The following NKIRAS1 variants were observed in gnomAD, a reference collection of about 807,000 sequenced individuals.
NKIRAS1 encodes the protein NFKB inhibitor interacting Ras like 1.
In NKIRAS1, 16 loss-of-function variants were observed where a neutral mutation model predicts 19.8. The observed-to-expected ratio is 0.81, with a 90% CI of 0.55 to 1.23. NKIRAS1 has a LOEUF of 1.23. Ranked by LOEUF, NKIRAS1 falls within the 50% of genes most tolerant of loss-of-function variation. The pLI is 0.00. For synonymous variants in NKIRAS1, 88 were observed against 79.0 expected (o/e 1.11, Z -0.61); for missense variants, 184 against 220.0 (o/e 0.84, Z 1.04).
At chr3:23,912,242 C>T (rs912880503) in intron 1 of NKIRAS1, among the ~76,000 whole-genome samples, 1 of 152,158 alleles carries the variant, frequency 6.6e-6, no homozygotes, top group Non-Finnish European at 1.5e-5. Flanking sequence ...AAACTACCAT[C>T]AGAGTCAACA....
Position 23,911,346 on chromosome 3 carries a change from G to T in NKIRAS1, c.-35C>A, listed in dbSNP as rs80297584. 0.03 allele frequency: 4,797 copies of T among 160,926 alleles called. 128 individuals are homozygous for T. The highest frequency in any genetic ancestry group is 0.17 in the East Asian group (928 of 5,460). The allele number at this position is 160,926 out of a possible 1,614,324, so 10.0% of individuals were successfully genotyped here. A position where few individuals can be genotyped will look rare whatever the true frequency, so the allele number is the denominator to read the frequency against. On this transcript the variant is annotated 5_prime_UTR_variant, in exon 2 of 5. Coordinates refer to ENST00000425478, the MANE Select transcript of NKIRAS1 (RefSeq NM_020345.4). ...GCACTCACCTGTAATCCCAGCTACT[G>T]GGGAGGCTGAGGCAGGAGAATCACT...
At chr3:23,938,209 C>CTTTTTT (rs11418287) in intron 1 of NKIRAS1, among the ~76,000 whole-genome samples, 15 of 137,656 alleles carry the variant, frequency 1.1e-4, no homozygotes, top group Non-Finnish European at 1.4e-4. Flanking sequence ...AGTACAGTAC[C>CTTTTTT]TTTTTTTTTT....
At chr3:23,910,157 T>A (rs979666117) in intron 3 of NKIRAS1, among the ~76,000 whole-genome samples, 813 of 58,920 alleles carry the variant, frequency 0.014, 13 homozygotes, top group South Asian at 0.096. Context: ...GCGCTCGGCC[T>A]TTTTTTTTTT....
At chr3:23,895,908 G>A (rs944761419) in intron 4 of NKIRAS1, among the ~76,000 whole-genome samples, 3 of 152,024 alleles carry the variant, frequency 2.0e-5, no homozygotes, top group African/African-American at 7.2e-5. Context: ...GTGGAGGTGG[G>A]TGGATCATGA....
chr3:23,897,998 T>C (rs1702145949), intron 4 of NKIRAS1, among the ~76,000 whole-genome samples: 1 of 152,170 alleles, frequency 6.6e-6, no homozygotes, highest in African/African-American at 2.4e-5. Flanking sequence ...TATTCTCCTT[T>C]TACAGATAAG....
At chr3:23,895,908 G>C (rs944761419) in intron 4 of NKIRAS1, among the ~76,000 whole-genome samples, 1 of 152,142 alleles carries the variant, frequency 6.6e-6, no homozygotes, top group Non-Finnish European at 1.5e-5. Context: ...GTGGAGGTGG[G>C]TGGATCATGA....
rs1408728685 is a variant in NKIRAS1 at position 23,931,725 on chromosome 3, AG to A, written c.-140+14597del. Among the ~76,000 whole-genome samples, 15 of 152,210 alleles carry A rather than the reference AG, an allele frequency of 9.9e-5. 1 individual carries two copies. The South Asian group carries it at 1.7e-3, about 17-fold the overall frequency. Reference sequence around the variant, plus strand: ...ATGGAAAGGAAGGAGAGAGAGAGAGAGAGAGAGAGAGAAAGAAAGGTAGAGA... The same window carrying A: ...ATGGAAAGGAAGGAGAGAGAGAGAGAAGAGAGAGAGAAAGAAAGGTAGAGA... On this transcript the variant is annotated intron_variant, in intron 1 of 4. Coordinates refer to the NKIRAS1 transcript ENST00000421515.
In NKIRAS1 at chr3:23,900,816, T is replaced by C. The variant is rs1460167525; in HGVS notation, c.328A>G (p.Lys110Glu). Residue 110 changes from lysine (K) to glutamate (E), a missense_variant, in exon 4 of 5, where the codon AAA (lysine) becomes GAA (glutamate). Transcript: ENST00000425478. ...TTAACATATCCACTTGCCTCTTTTT[T>C]GTCTTTGAACTTATCGATTTCTTTC... ...LKKEIDKFKD[K>E]KEVAIVVLGN... is the part of the protein sequence containing the mutation. The C allele has an allele frequency of 6.2e-7, 1 of 1,612,284 alleles. No homozygotes were observed. The highest frequency in any genetic ancestry group is 8.5e-7 in the Non-Finnish European group (1 of 1,179,108).
chr3:23,946,192 G>C (rs1325532124), intron 1 of NKIRAS1: 4 of 985,240 alleles, frequency 4.1e-6, no homozygotes, highest in Non-Finnish European at 4.8e-6. Context: ...CCCGCGGCGG[G>C]GCGTCCCCGA....
chr3:23,945,621 G>A (rs1222077361), intron 1 of NKIRAS1: 3 of 1,175,054 alleles, frequency 2.6e-6, no homozygotes, highest in South Asian at 4.2e-5. Flanking sequence ...GGCGGGTGGG[G>A]GATGGCCGGA....
upstream of NKIRAS1, chr3:23,920,393 A>G: frequency 1.8e-5 from 18 of 985,310 alleles, no homozygotes; most frequent in Non-Finnish European, 2.0e-5. Flanking sequence ...TTCCAACCAT[A>G]TGTGTTTTCT....
chr3:23,918,565 T>A (rs778662829), upstream of NKIRAS1: 1 of 1,613,900 alleles, frequency 6.2e-7, no homozygotes, highest in Non-Finnish European at 8.5e-7. Flanking sequence ...AAGCCTTCAG[T>A]CCGTTGCAGA....
Position 23,893,071 on chromosome 3 carries a change from T to C in NKIRAS1, c.*24A>G. On this transcript the variant is annotated 3_prime_UTR_variant, in exon 5 of 5. Transcript: ENST00000425478. ...ACTTAAAGGCAATCACTATTCAACATACAATTGTGGAAATTACTGATTTTT... is the reference window on the plus strand; with the variant it reads ...ACTTAAAGGCAATCACTATTCAACACACAATTGTGGAAATTACTGATTTTT... The C allele has an allele frequency of 6.5e-7, 1 of 1,534,154 alleles. No homozygotes were observed. Among genetic ancestry groups the C allele is most frequent in the Non-Finnish European group, 8.7e-7 (1 of 1,144,758 alleles).
chr3:23,919,154 G>T (rs1271230461), upstream of NKIRAS1: 1 of 1,361,798 alleles, frequency 7.3e-7, no homozygotes, highest in Non-Finnish European at 1.0e-6. Flanking sequence ...GCTGCTATAG[G>T]CAATGTGGGA....
upstream of NKIRAS1, chr3:23,919,439 G>C (rs1337837105): frequency 6.2e-7 from 1 of 1,604,640 alleles, no homozygotes; most frequent in Non-Finnish European, 8.5e-7. Flanking sequence ...CCACACTATT[G>C]GTGGCTCTCG....
At chr3:23,916,358 T>G (rs771068033) in intron 1 of NKIRAS1, 1 of 152,180 alleles carries the variant, frequency 6.6e-6, no homozygotes, top group African/African-American at 2.4e-5. Context: ...CGGCATTTCT[T>G]CTCTAAAACA....
chr3:23,907,708 G>A (rs967146307), intron 3 of NKIRAS1, among the ~76,000 whole-genome samples: 2 of 152,060 alleles, frequency 1.3e-5, no homozygotes, highest in Non-Finnish European at 1.5e-5. Flanking sequence ...AAATTAAAAA[G>A]CCAGTTTTAC....
intron 1 of NKIRAS1, chr3:23,946,155 A>C: frequency 1.0e-6 from 1 of 984,906 alleles, no homozygotes; most frequent in Non-Finnish European, 1.2e-6. Flanking sequence ...ACTGCGGAGG[A>C]GGCCGCGCGT....
intron 3 of NKIRAS1, among the ~76,000 whole-genome samples, chr3:23,907,516 C>T (rs944912942): frequency 2.6e-5 from 4 of 152,138 alleles, no homozygotes; most frequent in Non-Finnish European, 4.4e-5. Flanking sequence ...CCCACATGGG[C>T]AAAACTATAT....
Sources: gnomAD v4.1 joint callset for allele counts (sites outside exome capture counted in the v4.1 genomes callset) on GRCh38, gnomAD v4.1.1 for gene constraint, MANE v1.5 for transcripts, NCBI Gene and HGNC (gene_info 2026-07-23, HGNC 2026-07-21) for gene names.